The following CELF4 variants were observed in gnomAD, a reference collection of about 807,000 sequenced individuals.
The protein encoded by CELF4 is CUGBP Elav-like family member 4.
Under a neutral mutation model 59.9 loss-of-function variants are expected in CELF4, and 18 were observed. The ratio of observed to expected loss-of-function variants is 0.30; its 90% CI spans 0.21 to 0.45. The LOEUF is 0.45. CELF4 is among the 20% of genes least tolerant of loss of function. The pLI, the probability that CELF4 is intolerant of heterozygous loss-of-function variation, is 1.00. For missense variants in CELF4, 456 were observed against 689.0 expected, an observed-to-expected ratio of 0.66 and a Z score of 3.79; for synonymous variants, 261 against 267.1, an observed-to-expected ratio of 0.98 and a Z score of 0.22.
Position 37,413,727 on chromosome 18 carries a change from T to C in CELF4, c.369+71798A>G, listed in dbSNP as rs1417143561. Among the ~76,000 whole-genome samples, 8 of 152,342 alleles carry C rather than the reference T, an allele frequency of 5.3e-5. No homozygotes were observed. The East Asian group carries it at 1.5e-3, about 29-fold the overall frequency. ...TTAACCACTTGACAGTGCTTTTTACTTGGTCAAGTCCCACATCCTTCCAGA... is the reference window on the plus strand; with the variant it reads ...TTAACCACTTGACAGTGCTTTTTACCTGGTCAAGTCCCACATCCTTCCAGA... On this transcript the variant is annotated intron_variant, in intron 2 of 12. Transcript: ENST00000420428.
chr18:37,431,362 CTTTTTTTTTTT>C (rs35971960), intron 2 of CELF4, among the ~76,000 whole-genome samples: 5 of 81,566 alleles, frequency 6.1e-5, no homozygotes, highest in East Asian at 4.1e-4. Context: ...CCTTTCTTTC[CTTTTTTTTTTT>C]TTTTTTTTTT....
At chr18:37,405,173 C>T (rs1173388156) in intron 2 of CELF4, among the ~76,000 whole-genome samples, 1 of 152,174 alleles carries the variant, frequency 6.6e-6, no homozygotes, top group African/African-American at 2.4e-5. Context: ...ACTTCTTCCA[C>T]GTTGTCATCC....
At chr18:37,284,042 AACAC>A (rs922657614) in intron 3 of CELF4, among the ~76,000 whole-genome samples, 1 of 57,574 alleles carries the variant, frequency 1.7e-5, no homozygotes, top group African/African-American at 6.9e-5. Context: ...CACACACACC[AACAC>A]ACAAAGACAC....
At chr18:37,445,810 G>A (rs2154601393) in intron 2 of CELF4, among the ~76,000 whole-genome samples, 1 of 152,248 alleles carries the variant, frequency 6.6e-6, no homozygotes, top group South Asian at 2.1e-4. Context: ...ACAGGGAAAT[G>A]GCCACGGGAG....
intron 3 of CELF4, among the ~76,000 whole-genome samples, chr18:37,312,110 CAAAAAAAAAAA>C (rs59872500): frequency 3.9e-5 from 2 of 50,796 alleles, no homozygotes; most frequent in Non-Finnish European, 8.0e-5. Flanking sequence ...GATTCCGTCT[CAAAAAAAAAAA>C]AAAAAAAAAG....
chr18:37,408,757 C>G (rs1023569890), intron 2 of CELF4, among the ~76,000 whole-genome samples: 5 of 152,172 alleles, frequency 3.3e-5, no homozygotes, highest in Non-Finnish European at 5.9e-5. Context: ...CGCACCCTCC[C>G]CCGAACACGG....
chr18:37,266,719 G>C, intron 8 of CELF4, 121 bp from the exon 9 acceptor site: 1 of 873,500 alleles, frequency 1.1e-6, no homozygotes, highest in Non-Finnish European at 1.7e-6. Flanking sequence ...CTGTGCCCTG[G>C]GGCAGGGCAT....
intron 2 of CELF4, among the ~76,000 whole-genome samples, chr18:37,384,351 C>G (rs2099076132): frequency 6.6e-6 from 1 of 152,084 alleles, no homozygotes; most frequent in African/African-American, 2.4e-5. Flanking sequence ...TGTCTTCAGG[C>G]CGGCCTCCGC....
intron 1 of CELF4, among the ~76,000 whole-genome samples, chr18:37,557,248 C>G (rs181616607): frequency 2.0e-5 from 3 of 152,328 alleles, no homozygotes; most frequent in Non-Finnish European, 2.9e-5. Context: ...CACACACCCC[C>G]CTTTTGTGTT....
At chr18:37,411,516 G>T (rs549213344) in intron 2 of CELF4, among the ~76,000 whole-genome samples, 1 of 152,342 alleles carries the variant, frequency 6.6e-6, no homozygotes, top group East Asian at 1.9e-4. Context: ...TCCAGGAGGT[G>T]AGGCCATGGG....
In CELF4 at chr18:37,270,865, G is replaced by A. The variant is rs1253276356; in HGVS notation, c.1002C>T (p.Ser334=). The part of the protein sequence containing the change: ...ITAPAVPSIP[S]PIGVNGFTGL... ...CGGTGAAGCCATTCACCCCAATGGG[G>A]GATGGGATGCTAGGCACGGCTGGTG... The change falls in exon 8 of 13, where the codon TCC becomes TCT. Residue 334 remains serine (S), a synonymous_variant. Coordinates refer to ENST00000420428, the MANE Select transcript of CELF4 (RefSeq NM_020180.4). The A allele has an allele frequency of 1.9e-6, 3 of 1,613,590 alleles. No individual in the cohort carries two copies. Among genetic ancestry groups the A allele is most frequent in the Non-Finnish European group, 1.7e-6 (2 of 1,179,896 alleles).
Position 37,531,916 on chromosome 18 carries a change from GTTAAC to G in CELF4, c.286+33435_286+33439del, listed in dbSNP as rs2099969916. Reference sequence around the variant, plus strand: ...CCTGCCCCTCCAACAGGATCTACCTGTTAACTCTGGTCTCAATCTCTGGTCTGTTA... The same window carrying G: ...CCTGCCCCTCCAACAGGATCTACCTGTCTGGTCTCAATCTCTGGTCTGTTA... On this transcript the variant is annotated intron_variant, in intron 1 of 12. Coordinates refer to ENST00000420428, the MANE Select transcript of CELF4 (RefSeq NM_020180.4). Among the ~76,000 whole-genome samples, 6 of 152,306 alleles carry G rather than the reference GTTAAC, an allele frequency of 3.9e-5. No individual in the cohort carries two copies. In the South Asian group the frequency reaches 1.2e-3, roughly 32 times the overall value.
chr18:37,484,896 CT>C (rs1393000411), intron 2 of CELF4, among the ~76,000 whole-genome samples: 11 of 152,204 alleles, frequency 7.2e-5, no homozygotes, highest in African/African-American at 2.7e-4. Flanking sequence ...TCTCTCCCCC[CT>C]CACCACCGCC....
At chr18:37,547,263 C>G (rs549936486) in intron 1 of CELF4, among the ~76,000 whole-genome samples, 2 of 152,044 alleles carry the variant, frequency 1.3e-5, no homozygotes, top group Admixed American at 6.6e-5. Context: ...GGAGCCCCCC[C>G]AGGCTGGAGC....
At chr18:37,324,567 C>T (rs776006071) in intron 2 of CELF4, among the ~76,000 whole-genome samples, 23 of 152,196 alleles carry the variant, frequency 1.5e-4, no homozygotes, top group Admixed American at 5.9e-4. Context: ...TGGTACTTTG[C>T]TATGACAGCT....
chr18:37,312,773 G>A (rs2154493992), intron 3 of CELF4, among the ~76,000 whole-genome samples: 1 of 152,316 alleles, frequency 6.6e-6, no homozygotes, highest in East Asian at 1.9e-4. Flanking sequence ...CCTAGGAGGT[G>A]CTGTGTCCTG....
chr18:37,380,264 C>G (rs915298003), intron 2 of CELF4, among the ~76,000 whole-genome samples: 1 of 152,296 alleles, frequency 6.6e-6, no homozygotes, highest in African/African-American at 2.4e-5. Flanking sequence ...CCCACTTTAT[C>G]TGTCACTGTC....
At chr18:37,464,352 GC>G (rs1389267175) in intron 2 of CELF4, among the ~76,000 whole-genome samples, 2 of 152,146 alleles carry the variant, frequency 1.3e-5, no homozygotes, top group Admixed American at 1.3e-4. Context: ...TATCTGGGAG[GC>G]CTTTCTGATG....
At chr18:37,342,250 C>T (rs2098080219) in intron 2 of CELF4, among the ~76,000 whole-genome samples, 1 of 151,866 alleles carries the variant, frequency 6.6e-6, no homozygotes, top group Admixed American at 6.6e-5. Flanking sequence ...CACACACACA[C>T]ACACACACAC....
Sources: gnomAD v4.1 joint callset for allele counts (sites outside exome capture counted in the v4.1 genomes callset) on GRCh38, gnomAD v4.1.1 for gene constraint, MANE v1.5 for transcripts, NCBI Gene and HGNC (gene_info 2026-07-23, HGNC 2026-07-21) for gene names.